Variants in IQUB observed in about 807,000 individuals in gnomAD.
IQUB encodes the protein IQ motif and ubiquitin domain containing, also known as IQ motif and ubiquitin-like domain-containing protein.
IQUB carries 86 observed loss-of-function variants against 86.4 expected under a neutral mutation model. The observed-to-expected ratio is 1.00, with a 90% CI of 0.84 to 1.19. IQUB has a LOEUF of 1.19. Ranked by LOEUF, IQUB falls within the 50% of genes most tolerant of loss-of-function variation. The pLI, the probability that IQUB is intolerant of heterozygous loss-of-function variation, is 0.00. For missense variants in IQUB, 946 were observed against 916.9 expected (o/e 1.03, Z -0.41); for synonymous variants, 289 against 304.5 (o/e 0.95, Z 0.53).
At position 123,515,243 on chromosome 7, in the gene IQUB, C is replaced by A. The variant is rs77924329; in HGVS notation, c.-4-2899G>T. On this transcript the variant is annotated intron_variant, in intron 1 of 12. Coordinates refer to ENST00000324698, the MANE Select transcript of IQUB (RefSeq NM_178827.5). ...CCTCCTAGCAACATATTAGCCAACA[C>A]CCCAAACTAGCCAAGATGGTATCTT... 7.0e-3 allele frequency among the ~76,000 whole-genome samples: 1,069 copies of A among 152,160 alleles called. 14 individuals are homozygous for A. Among genetic ancestry groups the A allele is most frequent in the African/African-American group, 0.025 (1,018 of 41,516 alleles).
intron 1 of IQUB, among the ~76,000 whole-genome samples, chr7:123,526,538 T>G (rs1233796403): frequency 6.6e-6 from 1 of 151,908 alleles, no homozygotes; most frequent in East Asian, 1.9e-4. Flanking sequence ...TTTTTTTGTT[T>G]TCCATTTGCT....
Position 123,477,240 on chromosome 7 carries a change from GAGAT to G in IQUB, c.1410+2551_1410+2554del, listed in dbSNP as rs1477499884. ...AGCATGGTACTGGTATCAAAACAGA[GAGAT>G]AGACCAATGGAACAAAACAGAGGCC... On this transcript the variant is annotated intron_variant, in intron 8 of 12. Transcript: ENST00000324698. Among the ~76,000 whole-genome samples, 3 of 152,084 alleles carry G rather than the reference GAGAT, an allele frequency of 2.0e-5. No homozygotes were observed. The East Asian group carries it at 5.8e-4, about 29-fold the overall frequency.
chr7:123,490,154 C>A (rs760915802), intron 7 of IQUB, among the ~76,000 whole-genome samples: 8 of 151,864 alleles, frequency 5.3e-5, no homozygotes, highest in Non-Finnish European at 1.0e-4. Context: ...CTACAAAAAA[C>A]ACATTTTGAA....
At chr7:123,514,093 A>T (rs1240686126) in intron 1 of IQUB, among the ~76,000 whole-genome samples, 1 of 152,254 alleles carries the variant, frequency 6.6e-6, no homozygotes, top group Non-Finnish European at 1.5e-5. Context: ...TTGTAATGAA[A>T]TTACAGACTA....
intron 7 of IQUB, among the ~76,000 whole-genome samples, chr7:123,492,392 C>T (rs144405655): frequency 6.6e-6 from 1 of 152,060 alleles, no homozygotes; most frequent in South Asian, 2.1e-4. Flanking sequence ...GATGTTATAC[C>T]TAAATTCAAA....
intron 6 of IQUB, chr7:123,501,337 AAATT>A (rs1373512829): frequency 2.6e-5 from 4 of 152,378 alleles, no homozygotes; most frequent in African/African-American, 9.6e-5. Flanking sequence ...AAGAAAGTAA[AAATT>A]AATTAAGACT....
chr7:123,459,197 T>A (rs1793865527), intron 11 of IQUB, among the ~76,000 whole-genome samples: 1 of 151,976 alleles, frequency 6.6e-6, no homozygotes, highest in African/African-American at 2.4e-5. Flanking sequence ...TAATGGAGAT[T>A]ATCCTTATCT....
chr7:123,505,577 T>C (rs1046792522), intron 3 of IQUB, among the ~76,000 whole-genome samples: 11 of 152,190 alleles, frequency 7.2e-5, no homozygotes. Context: ...TCTGGAGCAA[T>C]GGCCTGAGGC....
At position 123,479,903 on chromosome 7, in the gene IQUB, C is replaced by T. The variant is rs889219888; in HGVS notation, c.1302G>A (p.Leu434=). ...SFTGAERKAA[L]CELLEKETQI... is the part of the protein sequence containing the mutation. ...GAGTCTCTTTTTCCAGAAGTTCACA[C>T]AGAGCAGCTTTCCTTTCAGCTCCAG... The change falls in exon 8 of 13, where the codon CTG becomes CTA. Residue 434 remains leucine, a synonymous_variant. Transcript: ENST00000324698. The T allele has an allele frequency of 8.1e-6, 13 of 1,613,114 alleles. No individual in the cohort carries two copies. In the South Asian group the frequency reaches 1.1e-4, roughly 14 times the overall value.
intron 10 of IQUB, among the ~76,000 whole-genome samples, chr7:123,462,167 G>C (rs760022229): frequency 1.6e-4 from 25 of 151,850 alleles, no homozygotes; most frequent in Non-Finnish European, 3.0e-4. Flanking sequence ...TACCATGAAT[G>C]AATGAGTGAA....
At chr7:123,521,551 G>A (rs1584648264) in intron 1 of IQUB, among the ~76,000 whole-genome samples, 1 of 151,978 alleles carries the variant, frequency 6.6e-6, no homozygotes, top group Non-Finnish European at 1.5e-5. Context: ...GGAGGCTGAG[G>A]TTGGAAGATC....
chr7:123,523,731 A>C (rs1269750006), intron 1 of IQUB, among the ~76,000 whole-genome samples: 3 of 151,940 alleles, frequency 2.0e-5, no homozygotes, highest in African/African-American at 7.2e-5. Context: ...GTCAATTTTT[A>C]CTTTTGTTGC....
At chr7:123,482,957 T>G (rs1385965749) in intron 7 of IQUB, among the ~76,000 whole-genome samples, 4 of 152,130 alleles carry the variant, frequency 2.6e-5, no homozygotes, top group African/African-American at 9.7e-5. Flanking sequence ...CTGCTCATTA[T>G]TCTGAACAAA....
At chr7:123,532,833 C>T (rs1183561612) in intron 1 of IQUB, 1 of 152,310 alleles carries the variant, frequency 6.6e-6, no homozygotes, top group Non-Finnish European at 1.5e-5. Context: ...CGAGCCCCGT[C>T]CCGGGCCGGG....
At chr7:123,482,094 T>C (rs1273592405) in intron 7 of IQUB, among the ~76,000 whole-genome samples, 1 of 151,962 alleles carries the variant, frequency 6.6e-6, no homozygotes, top group East Asian at 1.9e-4. Flanking sequence ...ACCTCAAAAC[T>C]GAGGTCTTTT....
intron 1 of IQUB, among the ~76,000 whole-genome samples, chr7:123,529,155 T>G (rs1304742762): frequency 6.6e-6 from 1 of 152,184 alleles, no homozygotes; most frequent in East Asian, 1.9e-4. Context: ...GAAGTAAAAG[T>G]ATTTCAGACA....
At chr7:123,476,516 T>C (rs1001689672) in intron 8 of IQUB, among the ~76,000 whole-genome samples, 2 of 152,040 alleles carry the variant, frequency 1.3e-5, no homozygotes, top group Non-Finnish European at 2.9e-5. Flanking sequence ...AAAATCCTTG[T>C]TCCCTAAGGG....
intron 7 of IQUB, among the ~76,000 whole-genome samples, chr7:123,488,062 A>G (rs892831252): frequency 6.6e-6 from 1 of 152,178 alleles, no homozygotes; most frequent in Non-Finnish European, 1.5e-5. Context: ...TTCTAAAAGA[A>G]AAGCTGAGCT....
intron 8 of IQUB, 53 bp downstream of exon 8, chr7:123,479,742 A>C (rs1794908248): frequency 7.6e-7 from 1 of 1,310,212 alleles, no homozygotes; most frequent in South Asian, 1.3e-5. Flanking sequence ...ACATTATTCT[A>C]CATTTTTTAA....
Sources: allele counts gnomAD v4.1 joint callset (sites outside exome capture counted in the v4.1 genomes callset), GRCh38; gene constraint gnomAD v4.1.1; transcripts MANE v1.5; gene names NCBI Gene and HGNC (gene_info 2026-07-23, HGNC 2026-07-21).